Variants in ADGRG4 observed in about 807,000 individuals in gnomAD.
ADGRG4 encodes the protein adhesion G protein-coupled receptor G4.
ADGRG4 carries 122 observed loss-of-function variants against 126.2 expected under a neutral mutation model. The ratio of observed to expected loss-of-function variants is 0.97; its 90% CI spans 0.83 to 1.12. The LOEUF (loss-of-function observed/expected upper bound fraction) is 1.12. ADGRG4 is among the 50% of genes most tolerant of loss of function. The pLI is 0.00. For synonymous variants in ADGRG4, 943 were observed against 838.7 expected (o/e 1.12, Z -2.15); for missense variants, 2,481 against 2,251.8 (o/e 1.10, Z -2.06).
chrX:136,303,386 G>A (rs1175865945), intron 1 of ADGRG4, among the ~76,000 whole-genome samples: 1 of 111,759 alleles, frequency 8.9e-6, no homozygotes, highest in Admixed American at 9.6e-5. Flanking sequence ...CTGGGAGGTG[G>A]AGGCTGCAGT....
rs781585253 is a variant in ADGRG4 at position 136,359,282 on chromosome X, T to G, written c.6981-10T>G. 1.7e-6 allele frequency: 2 copies of G among 1,187,341 alleles called. No homozygotes were observed. The highest frequency in any genetic ancestry group is 1.8e-5 in the African/African-American group (1 of 56,692). On this transcript the variant is annotated splice_polypyrimidine_tract_variant and intron_variant, in intron 10 of 25. Transcript: ENST00000394143. ...CTGCAACAATCTTTCTTTTTTATTC[T>G]GCTTTGTAGTTGTGTTTGTCAGGTC...
chrX:136,406,208 T>G (rs983938558), intron 23 of ADGRG4, among the ~76,000 whole-genome samples: 2 of 112,689 alleles, frequency 1.8e-5, no homozygotes, highest in African/African-American at 6.4e-5. Context: ...TCTTATAGTG[T>G]TCATTGTATC....
Position 136,384,861 on chromosome X carries a change from A to G in ADGRG4, c.7777-2879A>G, listed in dbSNP as rs978031498. Among the ~76,000 whole-genome samples the G allele has an allele frequency of 4.5e-5, 5 of 110,335 alleles. No individual in the cohort carries two copies. The East Asian group carries it at 1.4e-3, about 31-fold the overall frequency. ...GGCTTTTTAAAATATTTTCTTTGAT[A>G]TTCTGCAGTTTGACTATTATATGCC... On this transcript the variant is annotated intron_variant, in intron 15 of 25. Coordinates refer to ENST00000394143, the MANE Select transcript of ADGRG4 (RefSeq NM_153834.4).
rs762035765 is a variant in ADGRG4, at chrX:136,345,382, T to C, written c.1676T>C (p.Phe559Ser). The change falls in exon 6 of 26, where the codon TTC becomes TCC. Residue 559 changes from phenylalanine to serine, a missense_variant. Physicochemically the swap from Phe to Ser is radical, Grantham distance 155. Transcript: ENST00000394143. ...SKETSSKTFS[F>S]LTSFSFTGTE... ...GAGACCTCCTCTAAGACCTTTTCTT[T>C]CTTAACATCCTTTTCATTTACTGGG... 11 of 1,209,019 alleles carry C rather than the reference T, an allele frequency of 9.1e-6. No homozygotes were observed. The highest frequency in any genetic ancestry group is 1.8e-5 in the African/African-American group (1 of 57,090).
rs752532835 is a variant in ADGRG4 at position 136,346,900 on chromosome X, C to G, written c.3194C>G (p.Pro1065Arg). The change falls in exon 6 of 26, where the codon CCA (proline) becomes CGA (arginine). Residue 1065 changes from proline (P) to arginine (R), a missense_variant. Transcript: ENST00000394143. ...SSTTMTTALVPPLDQTASTTI... is the reference protein window; with the variant it reads ...SSTTMTTALVRPLDQTASTTI... ...ACTACAATGACCACAGCATTGGTAC[C>G]ACCTTTGGATCAGACTGCTTCCACA... 6 of 1,210,840 alleles carry G rather than the reference C, an allele frequency of 5.0e-6. No individual in the cohort carries two copies. In the South Asian group the frequency reaches 1.1e-4, roughly 21 times the overall value.
At chrX:136,396,669 T>G (rs967377145) in intron 19 of ADGRG4, among the ~76,000 whole-genome samples, 4 of 108,916 alleles carry the variant, frequency 3.7e-5, no homozygotes, top group Admixed American at 9.8e-5. Context: ...ACTAACTATG[T>G]GATCTTGGTA....
intron 5 of ADGRG4, among the ~76,000 whole-genome samples, chrX:136,342,915 T>TGAGAGA (rs1394673360): frequency 1.2e-5 from 1 of 80,817 alleles, no homozygotes; most frequent in African/African-American, 5.5e-5. Flanking sequence ...TGTGTGTGTG[T>TGAGAGA]GTGTGTGAGA....
At chrX:136,395,530 G>T in intron 19 of ADGRG4, 37 bp downstream of exon 19, 1 of 844,360 alleles carries the variant, frequency 1.2e-6, no homozygotes, top group South Asian at 2.4e-5. Context: ...ATGGAAGTTT[G>T]ACAATTTTTA....
Position 136,350,375 on chromosome X carries a change from C to T in ADGRG4, c.6669C>T (p.Ser2223=), listed in dbSNP as rs918719075. 5 of 1,208,791 alleles carry T rather than the reference C, an allele frequency of 4.1e-6. No homozygotes were observed. Among genetic ancestry groups the T allele is most frequent in the African/African-American group, 3.5e-5 (2 of 57,056 alleles). ...TTTTTGAAACAACTTGGCTGGACTCCACACCTTCCTTTCTATCTACGGAAG... is the reference window on the plus strand; with the variant it reads ...TTTTTGAAACAACTTGGCTGGACTCTACACCTTCCTTTCTATCTACGGAAG... ...SSFFETTWLD[S]TPSFLSTEAS... Residue 2223 remains serine, a synonymous_variant, in exon 6 of 26, where the codon TCC becomes TCT. Transcript: ENST00000394143.
intron 20 of ADGRG4, among the ~76,000 whole-genome samples, chrX:136,398,564 C>T (rs935868014): frequency 8.9e-6 from 1 of 111,946 alleles, no homozygotes; most frequent in Non-Finnish European, 1.9e-5. Context: ...ATCCTAATTA[C>T]AACCACAGTT....
chrX:136,316,460 T>C (rs1239662133), intron 4 of ADGRG4, among the ~76,000 whole-genome samples: 1 of 111,468 alleles, frequency 9.0e-6, no homozygotes, highest in Non-Finnish European at 1.9e-5. Flanking sequence ...CTCTGACTTT[T>C]TATTTTATTT....
chrX:136,375,039 C>T (rs2075217453), intron 15 of ADGRG4, among the ~76,000 whole-genome samples: 1 of 110,402 alleles, frequency 9.1e-6, no homozygotes, highest in Non-Finnish European at 1.9e-5. Context: ...CCCCCCCCAC[C>T]ACTCTTTCCC....
rs2148498625 is a variant in ADGRG4 at position 136,403,277 on chromosome X, G to A, written c.8609G>A (p.Ser2870Asn). 1 of 1,210,432 alleles carries A rather than the reference G, an allele frequency of 8.3e-7. No individual in the cohort carries two copies. Among genetic ancestry groups the A allele is most frequent in the East Asian group, 3.0e-5 (1 of 33,843 alleles). ...GCTATCATGGTGGCAATCACAGTCA[G>A]TGTGAAAAAAGATCTGTATGGAACT... Reference protein sequence around the residue: ...IPAIMVAITVSVKKDLYGTLS... With the variant: ...IPAIMVAITVNVKKDLYGTLS... Residue 2870 changes from serine to asparagine, a missense_variant, in exon 22 of 26, where the codon AGT becomes AAT. By Grantham distance (46) the Ser-to-Asn change is conservative. Coordinates refer to ENST00000394143, the MANE Select transcript of ADGRG4 (RefSeq NM_153834.4).
At position 136,359,336 on chromosome X, in the gene ADGRG4, C is replaced by T; in HGVS notation, c.7025C>T (p.Ser2342Phe). Residue 2342 changes from serine to phenylalanine, a missense_variant, in exon 11 of 26, where the codon TCC (serine) becomes TTC (phenylalanine). Transcript: ENST00000394143. Reference sequence around the variant, plus strand: ...ATAAAAGCCAGCTCTTCCTTAGCATCCTCTGAATTGATGAGAAAAATCAAA... The same window carrying T: ...ATAAAAGCCAGCTCTTCCTTAGCATTCTCTGAATTGATGAGAAAAATCAAA... ...VIIKASSSLA[S>F]SELMRKIKSK... 1.7e-6 allele frequency: 2 copies of T among 1,206,239 alleles called. No individual in the cohort carries two copies. Among genetic ancestry groups the T allele is most frequent in the Non-Finnish European group, 2.2e-6 (2 of 891,386 alleles).
intron 10 of ADGRG4, among the ~76,000 whole-genome samples, chrX:136,358,373 T>G (rs756873117): frequency 1.8e-5 from 2 of 111,768 alleles, no homozygotes; most frequent in East Asian, 5.6e-4. Context: ...GGGGCAGATA[T>G]CACTTAGATT....
chrX:136,384,671 G>A (rs1198790884), intron 15 of ADGRG4, among the ~76,000 whole-genome samples: 1 of 111,123 alleles, frequency 9.0e-6, no homozygotes, highest in African/African-American at 3.3e-5. Flanking sequence ...TATGCTTGAA[G>A]GATATTTTTG....
At chrX:136,319,139 G>A (rs993668005) in intron 4 of ADGRG4, among the ~76,000 whole-genome samples, 1 of 112,483 alleles carries the variant, frequency 8.9e-6, no homozygotes, top group Non-Finnish European at 1.9e-5. Flanking sequence ...GGCAGAGAAC[G>A]CTACTTGCCT....
At position 136,345,740 on chromosome X, in the gene ADGRG4, T is replaced by G. The variant is rs754547519; in HGVS notation, c.2034T>G (p.Pro678=). The change falls in exon 6 of 26, where the codon CCT becomes CCG. Residue 678 remains proline (P), a synonymous_variant. Transcript: ENST00000394143. ...MNTTTILTFV[P]NENFTSAFHE... ...CAACCACCATACTCACATTTGTGCC[T>G]AATGAAAATTTTACATCAGCATTTC... is the stretch of plus-strand genomic sequence containing the variant. 5 of 1,211,365 alleles carry G rather than the reference T, an allele frequency of 4.1e-6. No individual in the cohort carries two copies. The highest frequency in any genetic ancestry group is 4.5e-6 in the Non-Finnish European group (4 of 895,195).
At chrX:136,367,518 A>G (rs1441110304) in intron 13 of ADGRG4, among the ~76,000 whole-genome samples, 2 of 112,245 alleles carry the variant, frequency 1.8e-5, no homozygotes, top group Non-Finnish European at 3.8e-5. Context: ...AACAACAAAA[A>G]CACTGCACTG....
Sources: gnomAD v4.1 joint callset for allele counts (sites outside exome capture counted in the v4.1 genomes callset) on GRCh38, gnomAD v4.1.1 for gene constraint, MANE v1.5 for transcripts, NCBI Gene and HGNC (gene_info 2026-07-23, HGNC 2026-07-21) for gene names.